PCDHGA5: variants seen among roughly 807,000 people sequenced by gnomAD.
PCDHGA5 encodes protocadherin gamma subfamily A, 5.
Under a neutral mutation model 56.7 loss-of-function variants are expected in PCDHGA5, and 36 were observed. The ratio of observed to expected loss-of-function variants is 0.64; its 90% CI spans 0.49 to 0.84. PCDHGA5 has a LOEUF of 0.84. Among genes scored for constraint, PCDHGA5 ranks in the 40% least tolerant of loss-of-function variants. PCDHGA5 has a pLI of 0.00. For synonymous variants in PCDHGA5, 563 were observed against 520.2 expected, an observed-to-expected ratio of 1.08 and a Z score of -1.12; for missense variants, 1,305 against 1,201.5, an observed-to-expected ratio of 1.09 and a Z score of -1.27.
At chr5:141,437,197 G>A (rs535640562) in intron 1 of PCDHGA5, among the ~76,000 whole-genome samples, 69 of 152,330 alleles carry the variant, frequency 4.5e-4, no homozygotes, top group Non-Finnish European at 7.8e-4. Flanking sequence ...GGGTTTGGAT[G>A]TGTTTACATT....
At chr5:141,447,437 G>A (rs1435222330) in intron 1 of PCDHGA5, among the ~76,000 whole-genome samples, 3 of 152,128 alleles carry the variant, frequency 2.0e-5, no homozygotes, top group Non-Finnish European at 2.9e-5. Context: ...CGCACCCGGA[G>A]GAAATTTTTA....
chr5:141,374,993 T>G (rs1439480761), intron 1 of PCDHGA5: 1 of 1,613,938 alleles, frequency 6.2e-7, no homozygotes, highest in Non-Finnish European at 8.5e-7. Flanking sequence ...AATTTCAACT[T>G]CTGCAAATCT....
intron 1 of PCDHGA5, chr5:141,427,503 A>C (rs1317684577): frequency 6.9e-6 from 4 of 578,118 alleles, no homozygotes; most frequent in Non-Finnish European, 9.8e-6. Flanking sequence ...AACAGATGGG[A>C]CCCTGGATTG....
chr5:141,406,390 ATTC>A (rs2094804697), intron 1 of PCDHGA5, among the ~76,000 whole-genome samples: 1 of 152,172 alleles, frequency 6.6e-6, no homozygotes, highest in Non-Finnish European at 1.5e-5. Flanking sequence ...AGGTAAATGT[ATTC>A]TTCTTAGAGA....
intron 1 of PCDHGA5, among the ~76,000 whole-genome samples, chr5:141,380,312 T>C (rs1776368746): frequency 6.6e-6 from 1 of 152,162 alleles, no homozygotes; most frequent in Middle Eastern, 3.2e-3. Context: ...TGCTTGAGAA[T>C]GAAAATCTAA....
At position 141,511,462 on chromosome 5, in the gene PCDHGA5, C is replaced by A. The variant is rs1385398410; in HGVS notation, c.*289C>A. ...AGACACCAAGAACCATTTGCCACAC[C>A]CCGTTTAGTTACAGCTGAACTCCTC... On this transcript the variant is annotated 3_prime_UTR_variant, in exon 4 of 4. Coordinates refer to ENST00000518069, the MANE Select transcript of PCDHGA5 (RefSeq NM_018918.3). The A allele has an allele frequency of 4.7e-5, 26 of 556,350 alleles. No individual in the cohort carries two copies. Among genetic ancestry groups the A allele is most frequent in the Non-Finnish European group, 9.1e-6 (3 of 329,202 alleles). 34.5% of individuals were successfully genotyped at this position (556,350 alleles called of 1,614,324 possible). A position where few individuals can be genotyped will look rare whatever the true frequency, so the allele number is the denominator to read the frequency against.
Position 141,476,944 on chromosome 5 carries a change from C to T in PCDHGA5, c.2422-17863C>T, listed in dbSNP as rs1360022622. The T allele has an allele frequency of 3.3e-5, 53 of 1,614,072 alleles. No homozygotes were observed. The highest frequency in any genetic ancestry group is 4.1e-5 in the Non-Finnish European group (48 of 1,180,052). ...CAACGGATCTGGATGAAGGCCCCAACGGTGAAATTATTTACTCCTTCGGCA... is the reference window on the plus strand; with the variant it reads ...CAACGGATCTGGATGAAGGCCCCAATGGTGAAATTATTTACTCCTTCGGCA... On this transcript the variant is annotated intron_variant, in intron 1 of 3. Transcript: ENST00000518069. The surrounding 1 kb of genome is among the most constrained non-coding windows in gnomAD (Gnocchi z 7.6).
At chr5:141,410,086 G>T in intron 1 of PCDHGA5, 1 of 1,612,588 alleles carries the variant, frequency 6.2e-7, no homozygotes, top group Non-Finnish European at 8.5e-7. Flanking sequence ...AGGTGCGCAC[G>T]GCTCGAGCCT....
chr5:141,409,282 A>G (rs769745022), intron 1 of PCDHGA5: 1 of 1,613,958 alleles, frequency 6.2e-7, no homozygotes, highest in East Asian at 2.2e-5. Context: ...TGGAGAATTC[A>G]CCTCCAGGAA....
intron 1 of PCDHGA5, chr5:141,390,890 G>C (rs1043821773): frequency 5.2e-5 from 8 of 152,592 alleles, no homozygotes; most frequent in African/African-American, 1.9e-4. Flanking sequence ...GTGTGTGTGA[G>C]AGAGATCCTT....
At chr5:141,433,837 C>CAAAA (rs56191208) in intron 1 of PCDHGA5, among the ~76,000 whole-genome samples, 6 of 111,700 alleles carry the variant, frequency 5.4e-5, no homozygotes, top group African/African-American at 1.9e-4. Flanking sequence ...AACTCTATCT[C>CAAAA]AAAAAAAAAA....
intron 1 of PCDHGA5, chr5:141,424,500 G>A (rs2154550788): frequency 6.6e-6 from 1 of 152,208 alleles, no homozygotes; most frequent in African/African-American, 2.4e-5. Flanking sequence ...TGTATGTATG[G>A]AAGGTTTTTT....
Position 141,431,583 on chromosome 5 carries a change from C to A in PCDHGA5, c.2422-63224C>A, listed in dbSNP as rs771534481. On this transcript the variant is annotated intron_variant, in intron 1 of 3. Transcript: ENST00000518069. The surrounding 1 kb of genome is among the most constrained non-coding windows in gnomAD (Gnocchi z 4.8). ...ACCGACCCTGACGAAGGAGTCAATGCGGAAGTGAGGTATTCCTTCCGGTAT... is the reference window on the plus strand; with the variant it reads ...ACCGACCCTGACGAAGGAGTCAATGAGGAAGTGAGGTATTCCTTCCGGTAT... The A allele has an allele frequency of 1.1e-5, 18 of 1,614,008 alleles. No individual in the cohort carries two copies. In the South Asian group the frequency reaches 1.2e-4, roughly 11 times the overall value.
chr5:141,432,934 G>GC lies in PCDHGA5; in HGVS notation c.2422-61872dup. On this transcript the variant is annotated intron_variant, in intron 1 of 3. Transcript: ENST00000518069. The surrounding 1 kb of genome is among the most constrained non-coding windows in gnomAD (Gnocchi z 6.0). ...GGCGCTGGCACAAGTCACGCCTGCT[G>GC]CAGGCTTCAGGAGGCGGCTTGACAG... The GC allele has an allele frequency of 6.2e-7, 1 of 1,614,196 alleles. No individual in the cohort carries two copies. Among genetic ancestry groups the GC allele is most frequent in the Non-Finnish European group, 8.5e-7 (1 of 1,180,040 alleles).
intron 2 of PCDHGA5, among the ~76,000 whole-genome samples, chr5:141,496,406 G>C (rs1485949584): frequency 6.6e-6 from 1 of 152,160 alleles, no homozygotes; most frequent in African/African-American, 2.4e-5. Flanking sequence ...CTCAATGGTT[G>C]AGTACTTGCT....
At chr5:141,456,687 A>G (rs1053490307) in intron 1 of PCDHGA5, among the ~76,000 whole-genome samples, 1 of 152,156 alleles carries the variant, frequency 6.6e-6, no homozygotes. Context: ...ATTACTGGCC[A>G]GGCGTGGTGG....
intron 1 of PCDHGA5, among the ~76,000 whole-genome samples, chr5:141,446,664 G>A (rs116573282): frequency 0.012 from 1,821 of 152,192 alleles, 38 homozygotes; most frequent in African/African-American, 0.042. Context: ...TTTAGTACAA[G>A]ACAGCATTTC....
intron 1 of PCDHGA5, chr5:141,421,719 C>T (rs2096595246): frequency 6.2e-7 from 1 of 1,613,942 alleles, no homozygotes; most frequent in Non-Finnish European, 8.5e-7. Flanking sequence ...CAGATGTGGG[C>T]GTGAACTCCC....
chr5:141,471,790 C>T (rs1465283136), intron 1 of PCDHGA5, among the ~76,000 whole-genome samples: 1 of 152,068 alleles, frequency 6.6e-6, no homozygotes, highest in Non-Finnish European at 1.5e-5. Context: ...TATGCTATGT[C>T]ATATAAAAGA....
Sources: allele counts gnomAD v4.1 joint callset (sites outside exome capture counted in the v4.1 genomes callset), GRCh38; gene constraint gnomAD v4.1.1; non-coding constraint Gnocchi (gnomAD v3.1); transcripts MANE v1.5; gene names NCBI Gene and HGNC (gene_info 2026-07-23, HGNC 2026-07-21).